The following SNX29 variants were observed in gnomAD, a reference collection of about 807,000 sequenced individuals.
The protein encoded by SNX29 is sorting nexin 29.
SNX29 carries 78 observed loss-of-function variants against 102.1 expected under a neutral mutation model. That is an observed-to-expected ratio of 0.76 (90% CI 0.64 to 0.92). The LOEUF (loss-of-function observed/expected upper bound fraction) is 0.92, where lower values mean the gene tolerates loss of function less well. SNX29 is among the 40% of genes least tolerant of loss of function. The probability of loss-of-function intolerance (pLI) is 0.00; values close to 1 mark genes in which losing one functional copy is unlikely to be tolerated. For missense variants in SNX29, 1,280 were observed against 1,061.7 expected (o/e 1.21, Z -2.86); for synonymous variants, 580 against 414.5 (o/e 1.40, Z -4.85).
Position 12,569,170 on chromosome 16 carries a change from C to T in SNX29, c.*541C>T, listed in dbSNP as rs1300355184. 9.5e-6 allele frequency: 2 copies of T among 210,434 alleles called. No individual in the cohort carries two copies. Among genetic ancestry groups the T allele is most frequent in the East Asian group, 7.3e-5 (1 of 13,652 alleles). 13.0% of individuals were successfully genotyped at this position (210,434 alleles called of 1,614,324 possible). A position where few individuals can be genotyped will look rare whatever the true frequency, so the allele number is the denominator to read the frequency against. On this transcript the variant is annotated 3_prime_UTR_variant, in exon 21 of 21. Coordinates refer to ENST00000566228, the MANE Select transcript of SNX29 (RefSeq NM_032167.5). ...ATGGTTCCTTTCACTGCATTTTCCA[C>T]CAACAGTCATTAGACACCTGGCACT...
chr16:12,570,202 A>AG lies in SNX29; in HGVS notation c.*1577dup. On this transcript the variant is annotated 3_prime_UTR_variant, in exon 21 of 21. Coordinates refer to ENST00000566228, the MANE Select transcript of SNX29 (RefSeq NM_032167.5). Reference sequence around the variant, plus strand: ...ACCGAGTCAGCCTACATGACTTCCAAGGGGACCTGGGGCCAGATAAGCCCT... The same window carrying AG: ...ACCGAGTCAGCCTACATGACTTCCAAGGGGGACCTGGGGCCAGATAAGCCCT... 9.4e-7 allele frequency: 1 copy of AG among 1,065,128 alleles called. No homozygotes were observed. The highest frequency in any genetic ancestry group is 1.1e-6 in the Non-Finnish European group (1 of 879,112). 66.0% of individuals were successfully genotyped at this position (1,065,128 alleles called of 1,614,324 possible).
intron 15 of SNX29, among the ~76,000 whole-genome samples, chr16:12,280,850 A>T (rs1481468601): frequency 1.3e-5 from 2 of 152,214 alleles, no homozygotes; most frequent in Non-Finnish European, 2.9e-5. Flanking sequence ...GTGAGGGGAA[A>T]AGTTGATATA....
At chr16:12,168,885 C>T (rs1221893338) in intron 13 of SNX29, among the ~76,000 whole-genome samples, 2 of 152,176 alleles carry the variant, frequency 1.3e-5, no homozygotes, top group African/African-American at 2.4e-5. Context: ...CTTCTTGCCC[C>T]AGATCATCCG....
At chr16:12,361,240 G>C (rs888912850) in intron 16 of SNX29, among the ~76,000 whole-genome samples, 6 of 152,194 alleles carry the variant, frequency 3.9e-5, no homozygotes, top group Non-Finnish European at 7.3e-5. Flanking sequence ...AGGGGTCCCA[G>C]CCTACTCCAA....
chr16:12,411,611 G>A (rs188413571), intron 18 of SNX29, among the ~76,000 whole-genome samples: 1 of 152,236 alleles, frequency 6.6e-6, no homozygotes, highest in African/African-American at 2.4e-5. Flanking sequence ...GTTGATCAAG[G>A]TTCTGCTATA....
At chr16:12,554,058 T>G (rs1760272998) in intron 20 of SNX29, among the ~76,000 whole-genome samples, 1 of 152,212 alleles carries the variant, frequency 6.6e-6, no homozygotes, top group South Asian at 2.1e-4. Flanking sequence ...AATCCTGACC[T>G]CAAATGATCC....
rs941871566 is a variant in SNX29, at chr16:12,078,876, C to T, written c.1363C>T (p.Leu455=). 1 of 1,606,830 alleles carries T rather than the reference C, an allele frequency of 6.2e-7. No homozygotes were observed. Among genetic ancestry groups the T allele is most frequent in the Non-Finnish European group, 8.5e-7 (1 of 1,176,864 alleles). Residue 455 remains leucine, a synonymous_variant, in exon 11 of 21, where the codon CTG becomes TTG. Transcript: ENST00000566228. ...AGGCCACGGAAGTCCTCTGAGCAGCCTGTTACCTTCTGCCTCAGTGCCAGA... is the reference window on the plus strand; with the variant it reads ...AGGCCACGGAAGTCCTCTGAGCAGCTTGTTACCTTCTGCCTCAGTGCCAGA... ...SPGHGSPLSS[L]LPSASVPESM...
At chr16:12,034,448 G>A (rs1466972101) in intron 4 of SNX29, among the ~76,000 whole-genome samples, 2 of 152,202 alleles carry the variant, frequency 1.3e-5, no homozygotes, top group Non-Finnish European at 2.9e-5. Flanking sequence ...GAAAAAAGTG[G>A]TTGACAACTG....
At position 12,046,637 on chromosome 16, in the gene SNX29, A is replaced by G. The variant is rs541066917; in HGVS notation, c.499+183A>G. On this transcript the variant is annotated intron_variant, in intron 6 of 20. Coordinates refer to ENST00000566228, the MANE Select transcript of SNX29 (RefSeq NM_032167.5). ...TTGGTTTTTTAATTTGTATTCCTTT[A>G]AAGAGAGAGCCTCACTCTGTTGCCC... Among the ~76,000 whole-genome samples, 6 of 152,270 alleles carry G rather than the reference A, an allele frequency of 3.9e-5. No homozygotes were observed. The South Asian group carries it at 1.2e-3, about 32-fold the overall frequency.
intron 10 of SNX29, among the ~76,000 whole-genome samples, chr16:12,070,447 G>C (rs889171205): frequency 6.6e-6 from 1 of 150,650 alleles, no homozygotes; most frequent in Non-Finnish European, 1.5e-5. Context: ...TTGTCCTTGC[G>C]ATAGTTTACC....
At position 12,075,911 on chromosome 16, in the gene SNX29, G is replaced by A. The variant is rs144078993; in HGVS notation, c.1320-2922G>A. Among the ~76,000 whole-genome samples the A allele has an allele frequency of 1.0e-3, 155 of 152,324 alleles. 2 individuals carry two copies. Among genetic ancestry groups the A allele is most frequent in the African/African-American group, 3.5e-3 (147 of 41,576 alleles). ...CAGCCTCGCTGCCGCCTTGCAGTTT[G>A]ATCTCAGACTGCTGTGCTAGCAATC... On this transcript the variant is annotated intron_variant, in intron 10 of 20. Transcript: ENST00000566228.
intron 14 of SNX29, among the ~76,000 whole-genome samples, chr16:12,211,493 G>A (rs536151658): frequency 6.6e-6 from 1 of 152,304 alleles, no homozygotes; most frequent in African/African-American, 2.4e-5. Context: ...CCAAGGCTCT[G>A]AGAGGTGGAT....
At chr16:12,074,333 C>T (rs1014894886) in intron 10 of SNX29, among the ~76,000 whole-genome samples, 4 of 151,836 alleles carry the variant, frequency 2.6e-5, no homozygotes, top group African/African-American at 9.7e-5. Context: ...ATGTTTAGTG[C>T]CTCCTTCAGG....
intron 14 of SNX29, among the ~76,000 whole-genome samples, chr16:12,252,142 C>G (rs1417418981): frequency 1.3e-5 from 2 of 152,198 alleles, no homozygotes; most frequent in African/African-American, 4.8e-5. Context: ...TCTGCTCTTA[C>G]CAGCTTTCCC....
chr16:12,053,521 T>A (rs558785108), intron 8 of SNX29, among the ~76,000 whole-genome samples: 8 of 152,112 alleles, frequency 5.3e-5, no homozygotes, highest in African/African-American at 1.7e-4. Context: ...ACAGCAAGAC[T>A]CTGTCTCTAC....
Position 12,282,834 on chromosome 16 carries a change from T to A in SNX29, c.1782+4798T>A, listed in dbSNP as rs767171460. On this transcript the variant is annotated intron_variant, in intron 15 of 20. Transcript: ENST00000566228. ...CAATGCCTGGCTAATTTTTTGTATT[T>A]TTAGTAGAGACAGGGTTTCATCGTG... Among the ~76,000 whole-genome samples the A allele has an allele frequency of 3.4e-3, 512 of 152,232 alleles. 3 individuals carry two copies. The highest frequency in any genetic ancestry group is 5.5e-3 in the Non-Finnish European group (372 of 67,996).
intron 13 of SNX29, among the ~76,000 whole-genome samples, chr16:12,164,537 A>G (rs2055927738): frequency 6.6e-6 from 1 of 152,130 alleles, no homozygotes; most frequent in Admixed American, 6.5e-5. Context: ...TTTGGTTGAT[A>G]ATATTTCTTG....
chr16:12,553,438 G>A (rs550339156), intron 20 of SNX29, among the ~76,000 whole-genome samples: 8 of 152,308 alleles, frequency 5.3e-5, no homozygotes, highest in African/African-American at 1.7e-4. Flanking sequence ...ACTCCAACCT[G>A]CTGAGCATGG....
intron 16 of SNX29, among the ~76,000 whole-genome samples, chr16:12,369,830 A>C (rs547678647): frequency 1.3e-5 from 2 of 152,326 alleles, no homozygotes; most frequent in South Asian, 2.1e-4. Flanking sequence ...ATTTCCCTGC[A>C]TTGAGGGTTC....
Sources: gnomAD v4.1 joint callset for allele counts (sites outside exome capture counted in the v4.1 genomes callset) on GRCh38, gnomAD v4.1.1 for gene constraint, MANE v1.5 for transcripts, NCBI Gene and HGNC (gene_info 2026-07-23, HGNC 2026-07-21) for gene names.